The following TRPM3 variants were observed in gnomAD, a reference collection of about 807,000 sequenced individuals.
TRPM3 encodes the protein long transient receptor potential channel 3.
Under a neutral mutation model 181.2 loss-of-function variants are expected in TRPM3, and 77 were observed. The observed-to-expected ratio is 0.42, with a 90% CI of 0.35 to 0.51. TRPM3 has a LOEUF of 0.51. Ranked by LOEUF, TRPM3 falls within the 20% of genes least tolerant of loss-of-function variation. The pLI is 0.01. For synonymous variants in TRPM3, 745 were observed against 796.4 expected (o/e 0.94, Z 1.09); for missense variants, 1,759 against 2,196.7 (o/e 0.80, Z 3.98).
In TRPM3 at chr9:71,065,672, C is replaced by T. The variant is rs76359000; in HGVS notation, c.177+55506G>A. Among the ~76,000 whole-genome samples, 749 of 152,222 alleles carry T rather than the reference C, an allele frequency of 4.9e-3. 18 individuals carry two copies. The East Asian group carries it at 0.077, about 16-fold the overall frequency. On this transcript the variant is annotated intron_variant, in intron 1 of 25. Transcript: ENST00000677713. ...CACTCATCAAATCACTTCAATTGTC[C>T]AAAGCAATCCTGGTAACCAGGAGAT... is the stretch of plus-strand genomic sequence containing the variant.
chr9:71,058,185 C>T (rs915686326), intron 1 of TRPM3, among the ~76,000 whole-genome samples: 3 of 152,062 alleles, frequency 2.0e-5, no homozygotes, highest in Non-Finnish European at 2.9e-5. Flanking sequence ...TGTGCAGCCA[C>T]ATGGAAGTAG....
chr9:71,005,961 G>A (rs1040276850), intron 1 of TRPM3, among the ~76,000 whole-genome samples: 6 of 152,020 alleles, frequency 3.9e-5, no homozygotes, highest in African/African-American at 1.4e-4. Flanking sequence ...ACAATAATAA[G>A]TACACCAATT....
chr9:71,319,628 T>C (rs780812284), intron 1 of TRPM3, among the ~76,000 whole-genome samples: 11 of 152,308 alleles, frequency 7.2e-5, no homozygotes, highest in Admixed American at 2.0e-4. Flanking sequence ...AATAATGTCT[T>C]ACCCGCTTAC....
At chr9:71,064,673 G>A (rs2061703729) in intron 1 of TRPM3, among the ~76,000 whole-genome samples, 1 of 152,062 alleles carries the variant, frequency 6.6e-6, no homozygotes, top group African/African-American at 2.4e-5. Context: ...GTAAAGGTAA[G>A]TTTTTAGAAT....
intron 25 of TRPM3, among the ~76,000 whole-genome samples, chr9:70,540,840 A>G (rs1025781260): frequency 2.6e-5 from 4 of 152,164 alleles, no homozygotes; most frequent in African/African-American, 9.7e-5. Flanking sequence ...CCTCCACTGT[A>G]GCCTCCTGAG....
chr9:70,783,240 TA>T (rs914677093), intron 7 of TRPM3, among the ~76,000 whole-genome samples: 1 of 152,192 alleles, frequency 6.6e-6, no homozygotes. Context: ...AAGGCATGAA[TA>T]AAAGACCATC....
chr9:71,416,294 T>C (rs531831747), intron 1 of TRPM3, among the ~76,000 whole-genome samples: 83 of 152,050 alleles, frequency 5.5e-4, no homozygotes, highest in Non-Finnish European at 8.2e-4. Context: ...TACAATCCAA[T>C]GTTGAATGAA....
chr9:71,145,062 C>T (rs2075330188), intron 1 of TRPM3, among the ~76,000 whole-genome samples: 3 of 151,950 alleles, frequency 2.0e-5, no homozygotes. Flanking sequence ...GACTAATAGT[C>T]CAACAAAAAC....
At chr9:71,361,394 G>A (rs1264949793) in intron 1 of TRPM3, among the ~76,000 whole-genome samples, 3 of 152,176 alleles carry the variant, frequency 2.0e-5, no homozygotes, top group African/African-American at 7.2e-5. Context: ...GAAAATTAAA[G>A]GGACTAGGTG....
chr9:71,005,487 A>G (rs2097663850), intron 1 of TRPM3, among the ~76,000 whole-genome samples: 1 of 152,194 alleles, frequency 6.6e-6, no homozygotes. Context: ...ATCACCATCA[A>G]ATTAGCAAAA....
chr9:71,321,606 T>C (rs553825937), intron 1 of TRPM3, among the ~76,000 whole-genome samples: 1 of 152,214 alleles, frequency 6.6e-6, no homozygotes, highest in East Asian at 1.9e-4. Flanking sequence ...GTTAACAAGA[T>C]GTAAAATGTA....
At chr9:70,609,907 TA>T (rs111684042) in intron 19 of TRPM3, among the ~76,000 whole-genome samples, 19,029 of 144,332 alleles carry the variant, frequency 0.13, 1,360 homozygotes, top group East Asian at 0.25. Flanking sequence ...AAGCTCATCT[TA>T]AAAAAAAAAA....
rs374046810 is a variant in TRPM3 at position 71,408,218 on chromosome 9, G to A, written c.183+38435C>T. On this transcript the variant is annotated intron_variant, in intron 1 of 24. Coordinates refer to the TRPM3 transcript ENST00000357533. ...CTCCTCCAAAGGATCGCAGCTCCTC[G>A]CCAGAAACAGAACAAAGCAGGATGG... Among the ~76,000 whole-genome samples, 43 of 152,230 alleles carry A rather than the reference G, an allele frequency of 2.8e-4. No individual in the cohort carries two copies. In the South Asian group the frequency reaches 6.4e-3, roughly 23 times the overall value.
chr9:71,078,784 TA>T (rs2063810250), intron 1 of TRPM3, among the ~76,000 whole-genome samples: 1 of 152,220 alleles, frequency 6.6e-6, no homozygotes. Flanking sequence ...GAATTTTAGC[TA>T]AATATTTTCC....
In TRPM3 at chr9:70,552,872, G is replaced by T. The variant is rs148589156; in HGVS notation, c.3546C>A (p.Ser1182Arg). Residue 1182 changes from serine to arginine, a missense_variant, in exon 24 of 26, where the codon AGC becomes AGA. Around this residue, in one of 8 missense-constraint regions of TRPM3, gnomAD observed 96 missense variants for 129.6 expected, o/e 0.74. Transcript: ENST00000677713. ...HLCCRWRKHE[S>R]DPDERDYGLK... ...GGCCGTAGTCCCTTTCATCCGGGTCGCTCTCGTGTTTCCTCCATCGGCAGC... is the reference window on the plus strand; with the variant it reads ...GGCCGTAGTCCCTTTCATCCGGGTCTCTCTCGTGTTTCCTCCATCGGCAGC... The T allele has an allele frequency of 5.6e-6, 9 of 1,613,970 alleles. No individual in the cohort carries two copies. In the African/African-American group the frequency reaches 1.1e-4, roughly 19 times the overall value.
intron 1 of TRPM3, among the ~76,000 whole-genome samples, chr9:71,368,902 C>T (rs189501278): frequency 3.0e-4 from 46 of 151,782 alleles, no homozygotes; most frequent in Non-Finnish European, 3.4e-4. Flanking sequence ...AAATGTGTGA[C>T]GAATATAAAA....
At chr9:70,938,890 A>G (rs2096856363) in intron 1 of TRPM3, among the ~76,000 whole-genome samples, 1 of 151,934 alleles carries the variant, frequency 6.6e-6, no homozygotes, top group African/African-American at 2.4e-5. Flanking sequence ...CCTGGGAGGC[A>G]GAGCTTGCAG....
chr9:71,437,109 A>G (rs947945478), intron 1 of TRPM3, among the ~76,000 whole-genome samples: 1 of 152,208 alleles, frequency 6.6e-6, no homozygotes, highest in Non-Finnish European at 1.5e-5. Flanking sequence ...CACAGCTCCT[A>G]TTATTATTAG....
At chr9:70,649,544 T>A (rs1032524744) in intron 9 of TRPM3, among the ~76,000 whole-genome samples, 2 of 151,974 alleles carry the variant, frequency 1.3e-5, no homozygotes, top group Non-Finnish European at 2.9e-5. Context: ...ATGGGGAAAA[T>A]GCTCAGTATC....
Sources: gnomAD v4.1 joint callset for allele counts (sites outside exome capture counted in the v4.1 genomes callset) on GRCh38, gnomAD v4.1.1 for gene constraint, gnomAD v4.1.1 regional missense constraint, MANE v1.5 for transcripts, NCBI Gene and HGNC (gene_info 2026-07-23, HGNC 2026-07-21) for gene names.